Variants in SLC25A21 observed in about 807,000 individuals in gnomAD.
SLC25A21 encodes the protein solute carrier family 25 member 21, also known as mitochondrial 2-oxodicarboxylate carrier.
SLC25A21 carries 47 observed loss-of-function variants against 43.8 expected under a neutral mutation model. The ratio of observed to expected loss-of-function variants is 1.07; its 90% CI spans 0.85 to 1.37. SLC25A21 has a LOEUF of 1.37. Ranked by LOEUF, SLC25A21 falls within the 40% of genes most tolerant of loss-of-function variation. The pLI is 0.00. For missense variants in SLC25A21, 352 were observed against 350.2 expected (o/e 1.00, Z -0.04); for synonymous variants, 131 against 121.3 (o/e 1.08, Z -0.52).
chr14:36,724,725 T>G (rs1376560346), intron 6 of SLC25A21, among the ~76,000 whole-genome samples: 1 of 152,150 alleles, frequency 6.6e-6, no homozygotes, highest in Non-Finnish European at 1.5e-5. Flanking sequence ...AATGATGAAA[T>G]GTCAAGACCC....
At chr14:37,125,054 C>A (rs1480572670) in intron 1 of SLC25A21, among the ~76,000 whole-genome samples, 7 of 152,188 alleles carry the variant, frequency 4.6e-5, no homozygotes, top group Admixed American at 3.9e-4. Flanking sequence ...ACTAACAATA[C>A]AGGATCTGAA....
intron 1 of SLC25A21, among the ~76,000 whole-genome samples, chr14:37,056,861 G>A (rs1448408078): frequency 6.6e-6 from 1 of 152,120 alleles, no homozygotes; most frequent in African/African-American, 2.4e-5. Context: ...ATCTGGACAT[G>A]GTATTGATTT....
chr14:37,112,668 G>T (rs964796673), intron 1 of SLC25A21, among the ~76,000 whole-genome samples: 2 of 152,176 alleles, frequency 1.3e-5, no homozygotes, highest in African/African-American at 4.8e-5. Context: ...GGCCACATTT[G>T]TATTAAGGAA....
chr14:36,951,560 G>A (rs1892811305), intron 1 of SLC25A21, among the ~76,000 whole-genome samples: 1 of 151,938 alleles, frequency 6.6e-6, no homozygotes. Context: ...ATTCAACAAA[G>A]TCCTTATGTC....
intron 1 of SLC25A21, among the ~76,000 whole-genome samples, chr14:37,055,547 G>A (rs1774843823): frequency 6.6e-6 from 1 of 152,048 alleles, no homozygotes; most frequent in East Asian, 1.9e-4. Context: ...CTTCAACCTG[G>A]GCCTCTTGAA....
chr14:37,144,175 T>G (rs1380847142), intron 1 of SLC25A21, among the ~76,000 whole-genome samples: 1 of 152,212 alleles, frequency 6.6e-6, no homozygotes, highest in Non-Finnish European at 1.5e-5. Context: ...GACTGACAGA[T>G]TCTATTTAAC....
chr14:36,861,537 A>C (rs1890065348), intron 2 of SLC25A21, among the ~76,000 whole-genome samples: 1 of 152,190 alleles, frequency 6.6e-6, no homozygotes, highest in South Asian at 2.1e-4. Flanking sequence ...AAGAATCCTA[A>C]AGTACTTTCT....
chr14:36,751,070 A>T (rs1885690952), intron 3 of SLC25A21, among the ~76,000 whole-genome samples: 1 of 152,172 alleles, frequency 6.6e-6, no homozygotes, highest in African/African-American at 2.4e-5. Context: ...TCTACTGTTT[A>T]TTTAGGAACA....
chr14:36,970,603 G>T (rs935843394), intron 1 of SLC25A21, among the ~76,000 whole-genome samples: 8 of 152,154 alleles, frequency 5.3e-5, no homozygotes, highest in African/African-American at 1.9e-4. Flanking sequence ...CCCATGGGCT[G>T]GGTCAAAAGT....
At chr14:37,089,648 G>A (rs943008020) in intron 1 of SLC25A21, among the ~76,000 whole-genome samples, 5 of 152,102 alleles carry the variant, frequency 3.3e-5, no homozygotes, top group Admixed American at 6.6e-5. Context: ...AGAGAGTAAG[G>A]CCACGGATCT....
intron 1 of SLC25A21, among the ~76,000 whole-genome samples, chr14:36,971,842 G>C (rs760415589): frequency 6.6e-6 from 1 of 152,094 alleles, no homozygotes; most frequent in Non-Finnish European, 1.5e-5. Context: ...CTTCCTCAAA[G>C]TACAAGTACT....
At chr14:36,979,927 G>A (rs1014183766) in intron 1 of SLC25A21, among the ~76,000 whole-genome samples, 3 of 152,010 alleles carry the variant, frequency 2.0e-5, no homozygotes, top group Non-Finnish European at 4.4e-5. Context: ...TATTTTTTAA[G>A]CCACTGCCCA....
intron 7 of SLC25A21, among the ~76,000 whole-genome samples, chr14:36,708,620 A>G (rs1396060354): frequency 1.3e-5 from 2 of 152,158 alleles, no homozygotes; most frequent in African/African-American, 4.8e-5. Context: ...AAAATTTTGT[A>G]GAGACAGGGT....
intron 1 of SLC25A21, among the ~76,000 whole-genome samples, chr14:36,903,457 C>T (rs995674128): frequency 6.6e-6 from 1 of 151,120 alleles, no homozygotes; most frequent in East Asian, 1.9e-4. Context: ...ACTAAAAATA[C>T]AAAAAATTAG....
At chr14:37,091,565 T>C (rs575965878) in intron 1 of SLC25A21, among the ~76,000 whole-genome samples, 1 of 152,122 alleles carries the variant, frequency 6.6e-6, no homozygotes, top group African/African-American at 2.4e-5. Context: ...TCTTACAGTA[T>C]GACAACGGAA....
At chr14:36,863,599 T>C (rs1310868050) in intron 2 of SLC25A21, among the ~76,000 whole-genome samples, 1 of 152,220 alleles carries the variant, frequency 6.6e-6, no homozygotes, top group African/African-American at 2.4e-5. Flanking sequence ...AACTTTGTTA[T>C]TTTATGTGGG....
intron 2 of SLC25A21, among the ~76,000 whole-genome samples, chr14:36,833,358 G>C (rs1017194448): frequency 1.3e-5 from 2 of 152,158 alleles, no homozygotes; most frequent in Non-Finnish European, 2.9e-5. Context: ...CTGGGTAGAG[G>C]GGAAGTTCAA....
At chr14:37,030,940 A>G (rs1159429396) in intron 1 of SLC25A21, among the ~76,000 whole-genome samples, 1 of 152,172 alleles carries the variant, frequency 6.6e-6, no homozygotes, top group Admixed American at 6.5e-5. Context: ...TTCCTTTATC[A>G]TTCACTTTTA....
intron 1 of SLC25A21, among the ~76,000 whole-genome samples, chr14:37,030,465 G>A (rs1412065612): frequency 6.6e-6 from 1 of 152,070 alleles, no homozygotes; most frequent in African/African-American, 2.4e-5. Flanking sequence ...TAATCTTTTA[G>A]TTGCCACATC....
Sources: allele counts gnomAD v4.1 joint callset (sites outside exome capture counted in the v4.1 genomes callset), GRCh38; gene constraint gnomAD v4.1.1; transcripts MANE v1.5; gene names NCBI Gene and HGNC (gene_info 2026-07-23, HGNC 2026-07-21).